DISC1: variants seen among roughly 807,000 people sequenced by gnomAD.
DISC1 encodes DISC1 scaffold protein, also known as disrupted in schizophrenia 1 protein.
Under a neutral mutation model 84.5 loss-of-function variants are expected in DISC1, and 57 were observed. That is an observed-to-expected ratio of 0.67 (90% confidence interval 0.55 to 0.84). The LOEUF (loss-of-function observed/expected upper bound fraction) is 0.84. Among genes scored for constraint, DISC1 ranks in the 40% least tolerant of loss-of-function variants. The probability of loss-of-function intolerance (pLI) is 0.00; values close to 1 mark genes in which losing one functional copy is unlikely to be tolerated. For missense variants in DISC1, 1,000 were observed against 1,057.8 expected, an observed-to-expected ratio of 0.95 and a Z score of 0.76; for synonymous variants, 411 against 415.2, an observed-to-expected ratio of 0.99 and a Z score of 0.12.
chr1:231,706,685 C>G (rs1195895208), intron 3 of DISC1, among the ~76,000 whole-genome samples: 3 of 152,172 alleles, frequency 2.0e-5, no homozygotes, highest in African/African-American at 7.2e-5. Context: ...CAACTCATAT[C>G]CATTATGACA....
chr1:232,038,102 T>C lies in DISC1; in HGVS notation c.*1271T>C, dbSNP rs1268071093. ...CACAGTGCAGTGCTCAATAAGGCAG[T>C]GCAGTGCTCAGTAAGGCAGTGAATT... On this transcript the variant is annotated 3_prime_UTR_variant, in exon 13 of 13. Transcript: ENST00000439617. The C allele has an allele frequency of 6.6e-6, 1 of 152,328 alleles. No individual in the cohort carries two copies. The highest frequency in any genetic ancestry group is 2.4e-5 in the African/African-American group (1 of 41,458). 9.4% of individuals were successfully genotyped at this position (152,328 alleles called of 1,614,324 possible).
chr1:231,738,211 C>T (rs1387925382), intron 3 of DISC1, among the ~76,000 whole-genome samples: 1 of 152,216 alleles, frequency 6.6e-6, no homozygotes, highest in Non-Finnish European at 1.5e-5. Flanking sequence ...ACCCAACCTG[C>T]AGCTTCCTCC....
At chr1:231,936,767 G>C (rs1038313724) in intron 9 of DISC1, among the ~76,000 whole-genome samples, 1 of 152,136 alleles carries the variant, frequency 6.6e-6, no homozygotes, top group Non-Finnish European at 1.5e-5. Flanking sequence ...GGAGCCCATA[G>C]GAGTTTTATC....
At chr1:231,886,770 T>C (rs7536833) in intron 9 of DISC1, among the ~76,000 whole-genome samples, 9,561 of 36,878 alleles carry the variant, frequency 0.26, 315 homozygotes, top group African/African-American at 0.29. Context: ...TTCCTTCCTT[T>C]CTTTCTTTCT....
chr1:231,966,578 C>A (rs943661925), intron 10 of DISC1, among the ~76,000 whole-genome samples: 1 of 152,218 alleles, frequency 6.6e-6, no homozygotes, highest in Non-Finnish European at 1.5e-5. Flanking sequence ...AAGCCCTCCC[C>A]CTGAGGATGG....
chr1:231,697,215 G>A (rs902971680), intron 2 of DISC1, among the ~76,000 whole-genome samples: 2 of 152,152 alleles, frequency 1.3e-5, no homozygotes, highest in African/African-American at 4.8e-5. Flanking sequence ...GAAAGAGTAG[G>A]ATTTCTAGTG....
chr1:231,715,663 A>G (rs1378767818), intron 3 of DISC1, among the ~76,000 whole-genome samples: 3 of 152,248 alleles, frequency 2.0e-5, no homozygotes, highest in Admixed American at 2.0e-4. Context: ...TTCAGTTGGC[A>G]GAATTAACTC....
At chr1:231,818,822 T>C (rs2081280343) in intron 9 of DISC1, 2 of 1,171,932 alleles carry the variant, frequency 1.7e-6, no homozygotes, top group Non-Finnish European at 2.1e-6. Context: ...CTTGAGCATT[T>C]TCTTTGTGTG....
Position 231,694,410 on chromosome 1 carries a change from G to C in DISC1, c.652G>C (p.Gly218Arg). ...SSFSFIRLSLGSAGERGEAEG... is the reference protein window; with the variant it reads ...SSFSFIRLSLRSAGERGEAEG... Reference sequence around the variant, plus strand: ...CTTTAGCTTTATTCGGCTCTCGCTTGGCTCTGCCGGGGAACGTGGAGAAGC... The same window carrying C: ...CTTTAGCTTTATTCGGCTCTCGCTTCGCTCTGCCGGGGAACGTGGAGAAGC... The change falls in exon 2 of 13, where the codon GGC (glycine) becomes CGC (arginine). Residue 218 changes from glycine to arginine, a missense_variant. Around this residue, in one of 3 missense-constraint regions of DISC1, gnomAD observed 311 missense variants for 400.1 expected, o/e 0.78. Transcript: ENST00000439617. 1 of 1,614,260 alleles carries C rather than the reference G, an allele frequency of 6.2e-7. No individual in the cohort carries two copies. The highest frequency in any genetic ancestry group is 1.1e-5 in the South Asian group (1 of 91,088).
At chr1:231,782,524 A>C (rs966131834) in intron 6 of DISC1, among the ~76,000 whole-genome samples, 1 of 152,236 alleles carries the variant, frequency 6.6e-6, no homozygotes, top group Non-Finnish European at 1.5e-5. Context: ...TGATTCAGAA[A>C]AGAAGAATAA....
intron 9 of DISC1, among the ~76,000 whole-genome samples, chr1:231,819,981 G>A (rs1027178259): frequency 6.6e-6 from 1 of 152,012 alleles, no homozygotes; most frequent in African/African-American, 2.4e-5. Flanking sequence ...TCTCATCATC[G>A]TCACTTCACT....
chr1:231,786,134 C>T (rs2077841088), intron 6 of DISC1, among the ~76,000 whole-genome samples: 1 of 152,082 alleles, frequency 6.6e-6, no homozygotes, highest in East Asian at 1.9e-4. Flanking sequence ...TGTTATCTGG[C>T]ACTTTATAAA....
At chr1:231,850,141 G>A (rs1048864389) in intron 9 of DISC1, among the ~76,000 whole-genome samples, 1 of 152,208 alleles carries the variant, frequency 6.6e-6, no homozygotes, top group Non-Finnish European at 1.5e-5. Context: ...CTGGTAGTGT[G>A]CCAAGAGCAG....
chr1:231,975,810 G>A (rs1262201843), intron 10 of DISC1, among the ~76,000 whole-genome samples: 1 of 152,110 alleles, frequency 6.6e-6, no homozygotes, highest in South Asian at 2.1e-4. Context: ...AATGATAGAC[G>A]ATGGAGATTT....
intron 1 of DISC1, among the ~76,000 whole-genome samples, chr1:231,681,892 G>T (rs952859832): frequency 4.6e-5 from 7 of 152,078 alleles, no homozygotes; most frequent in Non-Finnish European, 7.4e-5. Flanking sequence ...TAAAGACAGG[G>T]TTTCACCATG....
At chr1:231,855,452 A>G (rs1266788375) in intron 9 of DISC1, 2 of 982,600 alleles carry the variant, frequency 2.0e-6, no homozygotes, top group African/African-American at 1.7e-5. Flanking sequence ...CTTAATTTCC[A>G]TTAAGACAAA....
At position 231,954,988 on chromosome 1, in the gene DISC1, A is replaced by G. The variant is rs1297853247; in HGVS notation, c.1982-3840A>G. On this transcript the variant is annotated intron_variant, in intron 9 of 12. Coordinates refer to ENST00000439617, the MANE Select transcript of DISC1 (RefSeq NM_018662.3). This position sits in a 1 kb window ranked among gnomAD's most constrained non-coding sequence, Gnocchi z 4.8. ...TGCCTGGAAGTTCTTGTGCAGGTCC[A>G]GCGTGTCACCAACTGGTGCTTCAGA... is the stretch of plus-strand genomic sequence containing the variant. Among the ~76,000 whole-genome samples the G allele has an allele frequency of 6.6e-6, 1 of 152,232 alleles. No homozygotes were observed. The highest frequency in any genetic ancestry group is 1.5e-5 in the Non-Finnish European group (1 of 68,040).
chr1:231,935,627 G>A (rs2090937954), intron 9 of DISC1, among the ~76,000 whole-genome samples: 1 of 152,060 alleles, frequency 6.6e-6, no homozygotes, highest in African/African-American at 2.4e-5. Flanking sequence ...GTGAGTAGAG[G>A]GACTCGTACC....
intron 12 of DISC1, among the ~76,000 whole-genome samples, chr1:232,028,586 A>G (rs988452074): frequency 6.6e-6 from 1 of 152,180 alleles, no homozygotes; most frequent in Non-Finnish European, 1.5e-5. Flanking sequence ...TAGGGTTCCC[A>G]TCTGTAATGT....
Sources: allele counts gnomAD v4.1 joint callset (sites outside exome capture counted in the v4.1 genomes callset), GRCh38; gene constraint gnomAD v4.1.1; regional missense constraint gnomAD v4.1.1; non-coding constraint Gnocchi (gnomAD v3.1); transcripts MANE v1.5; gene names NCBI Gene and HGNC (gene_info 2026-07-23, HGNC 2026-07-21).